Variants in BMP1 observed in about 807,000 individuals in gnomAD.
The protein encoded by BMP1 is bone morphogenetic protein 1.
A neutral mutation model predicts 116.8 loss-of-function variants in BMP1; 63 were observed. That is an observed-to-expected ratio of 0.54 (90% CI 0.44 to 0.67). The LOEUF is 0.67. BMP1 is among the 30% of genes least tolerant of loss of function. The probability of loss-of-function intolerance (pLI) is 0.00; values close to 1 mark genes in which losing one functional copy is unlikely to be tolerated. For synonymous variants in BMP1, 536 were observed against 533.4 expected (o/e 1.00, Z -0.07); for missense variants, 1,183 against 1,358.9 (o/e 0.87, Z 2.04).
At chr8:22,183,979 G>C (rs1335672223) in intron 8 of BMP1, among the ~76,000 whole-genome samples, 3 of 152,202 alleles carry the variant, frequency 2.0e-5, no homozygotes, top group African/African-American at 7.2e-5. Flanking sequence ...ACCAGGCTTG[G>C]AAAAATTTAG....
chr8:22,201,271 T>G, intron 15 of BMP1: 1 of 1,547,588 alleles, frequency 6.5e-7, no homozygotes, highest in Non-Finnish European at 8.7e-7. Flanking sequence ...GGATGGGGGC[T>G]TCGGTGCCCA....
chr8:22,173,334 C>T (rs1034701217), intron 1 of BMP1, among the ~76,000 whole-genome samples: 3 of 152,192 alleles, frequency 2.0e-5, no homozygotes, highest in Admixed American at 1.3e-4. Flanking sequence ...CTGCCCCACA[C>T]TCCCCAAAGA....
At chr8:22,205,825 T>C (rs1829342920) in intron 16 of BMP1, among the ~76,000 whole-genome samples, 1 of 152,046 alleles carries the variant, frequency 6.6e-6, no homozygotes, top group South Asian at 2.1e-4. Flanking sequence ...ATCAGGAAGG[T>C]GAGGTCCTGA....
chr8:22,197,893 G>A (rs1047018566), intron 15 of BMP1, among the ~76,000 whole-genome samples: 4 of 152,160 alleles, frequency 2.6e-5, no homozygotes, highest in African/African-American at 9.7e-5. Context: ...CCTTCAGAAA[G>A]ATGAGTCGTG....
chr8:22,176,763 C>A (rs1828448701), intron 4 of BMP1, 113 bp downstream of exon 4: 1 of 1,205,488 alleles, frequency 8.3e-7, no homozygotes, highest in Non-Finnish European at 1.2e-6. Context: ...TTTATCCCCT[C>A]CTGCTATGGG....
chr8:22,185,385 G>T (rs527842758), intron 8 of BMP1, among the ~76,000 whole-genome samples: 1 of 152,064 alleles, frequency 6.6e-6, no homozygotes, highest in Admixed American at 6.5e-5. Flanking sequence ...AAACCCGGGA[G>T]GTGGAGGTTG....
In BMP1 at chr8:22,197,276, C is replaced by T. The variant is rs753484264; in HGVS notation, c.1963C>T (p.Leu655Phe). Residue 655 changes from leucine (L) to phenylalanine (F), a missense_variant, in exon 15 of 20, where the codon CTC becomes TTC. Coordinates refer to ENST00000306385, the MANE Select transcript of BMP1 (RefSeq NM_006129.5). ...CGACTTCGTGGAGGTGCGCAGTGGACTCACAGCTGACTCCAAGCTGCATGG... is the reference window on the plus strand; with the variant it reads ...CGACTTCGTGGAGGTGCGCAGTGGATTCACAGCTGACTCCAAGCTGCATGG... ...KYDFVEVRSG[L>F]TADSKLHGKF... 6.2e-7 allele frequency: 1 copy of T among 1,613,740 alleles called. No individual in the cohort carries two copies. Among genetic ancestry groups the T allele is most frequent in the East Asian group, 2.2e-5 (1 of 44,860 alleles).
intron 16 of BMP1, among the ~76,000 whole-genome samples, chr8:22,205,390 G>T (rs762719880): frequency 7.9e-5 from 12 of 152,190 alleles, no homozygotes; most frequent in Admixed American, 3.3e-4. Context: ...AGAGGAGCAG[G>T]CTGGGTGGTC....
rs1828561995 is a variant in BMP1 at position 22,179,872 on chromosome 8, C to T, written c.961+43C>T. The T allele has an allele frequency of 5.1e-6, 8 of 1,579,836 alleles. No homozygotes were observed. Among genetic ancestry groups the T allele is most frequent in the Non-Finnish European group, 6.0e-6 (7 of 1,158,956 alleles). ...ATGGGTGAGGGCGTGGAGGGCAGGG[C>T]CTGAGGGAGGCAGAGGCCAGGTGCC... is the stretch of plus-strand genomic sequence containing the variant. On this transcript the variant is annotated intron_variant, in intron 7 of 19. Coordinates refer to ENST00000306385, the MANE Select transcript of BMP1 (RefSeq NM_006129.5). This position sits in a 1 kb window ranked among gnomAD's most constrained non-coding sequence, Gnocchi z 4.6.
chr8:22,187,497 A>ATTTTTTTTTTT (rs768807192), intron 8 of BMP1, among the ~76,000 whole-genome samples: 228 of 104,406 alleles, frequency 2.2e-3, no homozygotes, highest in African/African-American at 5.5e-3. Context: ...CGCCCGGCTA[A>ATTTTTTTTTTT]TTTTTTTTTT....
chr8:22,175,788 T>G (rs1319026823), intron 2 of BMP1, among the ~76,000 whole-genome samples: 1 of 152,186 alleles, frequency 6.6e-6, no homozygotes, highest in African/African-American at 2.4e-5. Flanking sequence ...GGGGCTGTTT[T>G]AAACAGCGAA....
intron 16 of BMP1, among the ~76,000 whole-genome samples, chr8:22,206,365 G>T (rs1829354834): frequency 6.6e-6 from 1 of 152,052 alleles, no homozygotes; most frequent in Non-Finnish European, 1.5e-5. Flanking sequence ...AGCCAGAGAT[G>T]GTGGCGCACG....
At chr8:22,201,709 G>T in intron 15 of BMP1, 94 bp from the exon 16 acceptor site, 1 of 1,563,044 alleles carries the variant, frequency 6.4e-7, no homozygotes. Context: ...CTGTCCCGGT[G>T]GGAGAAAGTC....
At chr8:22,167,422 G>T (rs1371606856) in intron 1 of BMP1, among the ~76,000 whole-genome samples, 1 of 152,204 alleles carries the variant, frequency 6.6e-6, no homozygotes, top group Non-Finnish European at 1.5e-5. Flanking sequence ...CAGCCTGGTG[G>T]TGGCAGAGAA....
intron 15 of BMP1, chr8:22,198,934 AG>A: frequency 8.0e-7 from 1 of 1,248,420 alleles, no homozygotes; most frequent in Non-Finnish European, 1.0e-6. Context: ...GAGGGTTGAG[AG>A]GATGTAACAC....
At chr8:22,169,582 C>G (rs1313111928) in intron 1 of BMP1, 1 of 152,250 alleles carries the variant, frequency 6.6e-6, no homozygotes, top group Non-Finnish European at 1.5e-5. Context: ...CAAACATGCA[C>G]CTCTGCAGAA....
At position 22,197,388 on chromosome 8, in the gene BMP1, C is replaced by G; in HGVS notation, c.2075C>G (p.Ser692Cys). ...GAGTTCAAGTCCGACAACACCGTGT[C>G]CAAAAAGGGCTTCAAGGCCCACTTC... ...RVEFKSDNTVSKKGFKAHFFS... is the reference protein window; with the variant it reads ...RVEFKSDNTVCKKGFKAHFFS... The change falls in exon 15 of 20, where the codon TCC becomes TGC. Residue 692 changes from serine (S) to cysteine (C), a missense_variant. Physicochemically the swap from Ser to Cys is moderately radical, Grantham distance 112. Coordinates refer to ENST00000306385, the MANE Select transcript of BMP1 (RefSeq NM_006129.5). 2 of 1,611,720 alleles carry G rather than the reference C, an allele frequency of 1.2e-6. No individual in the cohort carries two copies. The highest frequency in any genetic ancestry group is 1.7e-6 in the Non-Finnish European group (2 of 1,178,124).
intron 1 of BMP1, among the ~76,000 whole-genome samples, chr8:22,169,091 C>T (rs944772349): frequency 1.3e-4 from 19 of 150,584 alleles, no homozygotes; most frequent in Admixed American, 6.6e-4. Flanking sequence ...AGTTGGAGCT[C>T]GAGAGTTCAA....
intron 1 of BMP1, among the ~76,000 whole-genome samples, chr8:22,167,175 G>C (rs1314718785): frequency 1.3e-5 from 2 of 152,098 alleles, no homozygotes; most frequent in African/African-American, 4.8e-5. Flanking sequence ...GGGATTGCTG[G>C]TGTCTCCTTG....
Sources: gnomAD v4.1 joint callset for allele counts (sites outside exome capture counted in the v4.1 genomes callset) on GRCh38, gnomAD v4.1.1 for gene constraint, Gnocchi (gnomAD v3.1) non-coding constraint, MANE v1.5 for transcripts, NCBI Gene and HGNC (gene_info 2026-07-23, HGNC 2026-07-21) for gene names.